The following AGBL4 variants were observed in gnomAD, a reference collection of about 807,000 sequenced individuals.
AGBL4 encodes the protein cytosolic carboxypeptidase 6.
Under a neutral mutation model 66.4 loss-of-function variants are expected in AGBL4, and 58 were observed. The observed-to-expected ratio is 0.87, with a 90% confidence interval of 0.71 to 1.09. The LOEUF (loss-of-function observed/expected upper bound fraction) is 1.09. Among genes scored for constraint, AGBL4 ranks in the 50% least tolerant of loss-of-function variants. AGBL4 has a pLI of 0.00. For synonymous variants in AGBL4, 234 were observed against 222.9 expected (o/e 1.05, Z -0.44); for missense variants, 579 against 631.0 (o/e 0.92, Z 0.88).
chr1:49,654,307 G>A (rs913930011), intron 3 of AGBL4, among the ~76,000 whole-genome samples: 3 of 152,168 alleles, frequency 2.0e-5, no homozygotes, highest in Admixed American at 2.0e-4. Context: ...TATAATTTCT[G>A]TTCTTTTACA....
chr1:48,654,708 T>C (rs894148208), intron 7 of AGBL4, among the ~76,000 whole-genome samples: 1 of 152,210 alleles, frequency 6.6e-6, no homozygotes, highest in South Asian at 2.1e-4. Context: ...GCTCTTGGAA[T>C]GATAACTCGC....
chr1:49,781,647 G>A (rs1644339942), intron 2 of AGBL4, among the ~76,000 whole-genome samples: 1 of 152,032 alleles, frequency 6.6e-6, no homozygotes, highest in Non-Finnish European at 1.5e-5. Context: ...GACCTAAAAG[G>A]CATTTCTAGC....
chr1:49,701,184 T>C (rs544616522), intron 2 of AGBL4, among the ~76,000 whole-genome samples: 14 of 151,936 alleles, frequency 9.2e-5, no homozygotes, highest in South Asian at 2.1e-4. Context: ...CCCAGGTACA[T>C]GGGAGGCTTA....
chr1:48,802,300 A>C (rs1186930391), intron 6 of AGBL4, among the ~76,000 whole-genome samples: 1 of 152,092 alleles, frequency 6.6e-6, no homozygotes, highest in Non-Finnish European at 1.5e-5. Flanking sequence ...CTTAGCCATT[A>C]TCTCTCCCAG....
intron 1 of AGBL4, among the ~76,000 whole-genome samples, chr1:49,962,710 T>C (rs1657217617): frequency 6.6e-6 from 1 of 152,140 alleles, no homozygotes; most frequent in Non-Finnish European, 1.5e-5. Context: ...CTCACACTCA[T>C]TTTTAGAAAC....
intron 3 of AGBL4, among the ~76,000 whole-genome samples, chr1:49,323,040 T>C (rs1553183093): frequency 3.3e-5 from 5 of 152,258 alleles, no homozygotes; most frequent in Non-Finnish European, 7.3e-5. Context: ...TAAAATTAAT[T>C]ACAGTTTGTT....
intron 3 of AGBL4, among the ~76,000 whole-genome samples, chr1:49,273,694 C>T (rs1164778273): frequency 7.3e-5 from 11 of 151,194 alleles, no homozygotes; most frequent in Admixed American, 5.9e-4. Context: ...TTTTATTTTT[C>T]GAGATGGAGT....
rs368363201 is a variant in AGBL4, at chr1:49,726,628, C to T, written c.158-29191G>A. Among the ~76,000 whole-genome samples, 156 of 152,060 alleles carry T rather than the reference C, an allele frequency of 1.0e-3. 5 individuals are homozygous for T. In the South Asian group the frequency reaches 0.029, roughly 28 times the overall value. ...CTTTCTGAGTTGTAAGTGACTTAAA[C>T]TCAACTCACATAAGCTTAAGCAAAA... On this transcript the variant is annotated intron_variant, in intron 2 of 13. Coordinates refer to ENST00000371839, the MANE Select transcript of AGBL4 (RefSeq NM_032785.4).
intron 3 of AGBL4, among the ~76,000 whole-genome samples, chr1:49,285,185 G>A (rs1160041224): frequency 6.6e-6 from 1 of 152,206 alleles, no homozygotes; most frequent in African/African-American, 2.4e-5. Flanking sequence ...AGACCACAGT[G>A]AAATGAAAAT....
intron 2 of AGBL4, among the ~76,000 whole-genome samples, chr1:49,849,896 G>T (rs1399107839): frequency 1.3e-5 from 2 of 152,114 alleles, no homozygotes; most frequent in African/African-American, 4.8e-5. Context: ...TCCCACAGAG[G>T]TGTAATTATT....
At chr1:49,479,193 CA>C (rs1646903962) in intron 3 of AGBL4, among the ~76,000 whole-genome samples, 1 of 151,876 alleles carries the variant, frequency 6.6e-6, no homozygotes, top group South Asian at 2.1e-4. Context: ...AATCAATATA[CA>C]AAAATCAGTT....
chr1:48,748,730 G>A (rs1390931199), intron 6 of AGBL4, among the ~76,000 whole-genome samples: 3 of 152,106 alleles, frequency 2.0e-5, no homozygotes, highest in Non-Finnish European at 2.9e-5. Context: ...GATCACTGCC[G>A]GTTAAGGGAT....
intron 1 of AGBL4, among the ~76,000 whole-genome samples, chr1:49,891,907 T>G (rs1361482899): frequency 6.6e-6 from 1 of 152,322 alleles, no homozygotes; most frequent in East Asian, 1.9e-4. Context: ...GCTTAAAGTT[T>G]AAGCCCCTGT....
intron 1 of AGBL4, among the ~76,000 whole-genome samples, chr1:49,960,044 C>T (rs1656990520): frequency 1.3e-5 from 2 of 151,540 alleles, no homozygotes; most frequent in African/African-American, 4.8e-5. Flanking sequence ...GGGAGGGGAT[C>T]AGAAAAAAAT....
chr1:49,854,107 T>G (rs1357235357), intron 1 of AGBL4, among the ~76,000 whole-genome samples: 3 of 151,996 alleles, frequency 2.0e-5, no homozygotes, highest in Non-Finnish European at 4.4e-5. Flanking sequence ...GTTTATGCCA[T>G]ATGGAAAAGT....
intron 11 of AGBL4, among the ~76,000 whole-genome samples, chr1:48,577,876 G>C (rs1644678948): frequency 6.6e-6 from 1 of 152,192 alleles, no homozygotes; most frequent in Non-Finnish European, 1.5e-5. Flanking sequence ...ACAGGAAATG[G>C]ATGGAAACTG....
chr1:48,727,605 C>T (rs1354244207), intron 6 of AGBL4: 1 of 242,060 alleles, frequency 4.1e-6, no homozygotes, highest in Non-Finnish European at 7.9e-6. Flanking sequence ...CATTCAAACC[C>T]CAGTCAAGTG....
At chr1:49,795,011 T>C (rs535378181) in intron 2 of AGBL4, among the ~76,000 whole-genome samples, 7 of 151,848 alleles carry the variant, frequency 4.6e-5, no homozygotes, top group Non-Finnish European at 1.0e-4. Context: ...ATCTCTGCCC[T>C]TGAGGTCTTC....
At chr1:49,021,120 A>G (rs1663211645) in intron 5 of AGBL4, among the ~76,000 whole-genome samples, 1 of 152,200 alleles carries the variant, frequency 6.6e-6, no homozygotes, top group Non-Finnish European at 1.5e-5. Context: ...TAGTCAGTGA[A>G]AGGATTCGGG....
Sources: allele counts gnomAD v4.1 joint callset (sites outside exome capture counted in the v4.1 genomes callset), GRCh38; gene constraint gnomAD v4.1.1; transcripts MANE v1.5; gene names NCBI Gene and HGNC (gene_info 2026-07-23, HGNC 2026-07-21).